FBXW4: variants seen among roughly 807,000 people sequenced by gnomAD.
FBXW4 encodes F-box/WD repeat-containing protein 4.
A neutral mutation model predicts 61.8 loss-of-function variants in FBXW4; 40 were observed. The ratio of observed to expected loss-of-function variants is 0.65; its 90% CI spans 0.50 to 0.84. The LOEUF (loss-of-function observed/expected upper bound fraction) is 0.84. Ranked by LOEUF, FBXW4 falls within the 40% of genes least tolerant of loss-of-function variation. The probability of loss-of-function intolerance (pLI) is 0.00; values close to 1 mark genes in which losing one functional copy is unlikely to be tolerated. For synonymous variants in FBXW4, 311 were observed against 313.8 expected, an observed-to-expected ratio of 0.99 and a Z score of 0.10; for missense variants, 672 against 753.8, an observed-to-expected ratio of 0.89 and a Z score of 1.27.
chr10:101,649,522 C>T (rs2064129126), intron 5 of FBXW4, among the ~76,000 whole-genome samples: 1 of 152,192 alleles, frequency 6.6e-6, no homozygotes, highest in Non-Finnish European at 1.5e-5. Context: ...GTGGGTATTG[C>T]TGGGAGTGCC....
Position 101,673,017 on chromosome 10 carries a change from G to A in FBXW4, c.1038C>T (p.His346=), listed in dbSNP as rs1435779115. The A allele has an allele frequency of 2.5e-6, 4 of 1,613,970 alleles. No homozygotes were observed. In the East Asian group the frequency reaches 6.7e-5, roughly 27 times the overall value. The part of the protein sequence containing the change: ...GDGKIGIHKI[H]STFTVKYSAH... ...CCGAGTACTTGACAGTGAAGGTGCTGTGAATCTTATGAATGCCAATCTTCC... is the reference window on the plus strand; with the variant it reads ...CCGAGTACTTGACAGTGAAGGTGCTATGAATCTTATGAATGCCAATCTTCC... Residue 346 remains histidine, a synonymous_variant, in exon 4 of 9, where the codon CAC becomes CAT. Transcript: ENST00000331272.
chr10:101,615,748 T>G (rs900191238), intron 6 of FBXW4, among the ~76,000 whole-genome samples: 2 of 152,094 alleles, frequency 1.3e-5, no homozygotes, highest in African/African-American at 2.4e-5. Context: ...AGCTAACTGA[T>G]GGTAGGGGCT....
At chr10:101,690,502 T>C (rs2064585924) in intron 1 of FBXW4, among the ~76,000 whole-genome samples, 1 of 152,150 alleles carries the variant, frequency 6.6e-6, no homozygotes, top group African/African-American at 2.4e-5. Context: ...TATCTATTAG[T>C]GTTCACTGTT....
intron 6 of FBXW4, among the ~76,000 whole-genome samples, chr10:101,624,015 C>T (rs145666220): frequency 2.5e-4 from 38 of 151,440 alleles, no homozygotes; most frequent in Non-Finnish European, 4.7e-4. Flanking sequence ...CAGTTCTGTA[C>T]CTCAATTGTG....
In FBXW4 at chr10:101,694,083, A is replaced by C. The variant is rs1482774713; in HGVS notation, c.725+298T>G. On this transcript the variant is annotated intron_variant, in intron 1 of 8. Coordinates refer to ENST00000331272, the MANE Select transcript of FBXW4 (RefSeq NM_022039.4). This position sits in a 1 kb window ranked among gnomAD's most constrained non-coding sequence, Gnocchi z 6.0. ...ACCGGGGCAGCTAAACCTCTGCAAAAACACACAATCGAAAGCTGTAGGGAG... is the reference window on the plus strand; with the variant it reads ...ACCGGGGCAGCTAAACCTCTGCAAACACACACAATCGAAAGCTGTAGGGAG... 6.6e-6 allele frequency among the ~76,000 whole-genome samples: 1 copy of C among 152,096 alleles called. No individual in the cohort carries two copies. Among genetic ancestry groups the C allele is most frequent in the African/African-American group, 2.4e-5 (1 of 41,404 alleles).
chr10:101,638,835 T>C (rs2064026340), intron 5 of FBXW4, among the ~76,000 whole-genome samples: 1 of 152,212 alleles, frequency 6.6e-6, no homozygotes, highest in Admixed American at 6.5e-5. Flanking sequence ...TGGGAACAGC[T>C]GCCTATGAGA....
At chr10:101,661,804 C>T (rs963631197) in intron 5 of FBXW4, among the ~76,000 whole-genome samples, 4 of 152,132 alleles carry the variant, frequency 2.6e-5, no homozygotes, top group Non-Finnish European at 5.9e-5. Context: ...CCACTCTGCC[C>T]CTGACCCTGG....
chr10:101,691,614 A>C (rs2064604527), intron 1 of FBXW4, among the ~76,000 whole-genome samples: 1 of 152,172 alleles, frequency 6.6e-6, no homozygotes, highest in Admixed American at 6.5e-5. Flanking sequence ...CATTCCCAAT[A>C]TCTCTCTTTT....
chr10:101,638,755 T>A (rs1463058964), intron 5 of FBXW4, among the ~76,000 whole-genome samples: 1 of 152,224 alleles, frequency 6.6e-6, no homozygotes, highest in Non-Finnish European at 1.5e-5. Flanking sequence ...ACAAACCACA[T>A]GATATCTTGG....
chr10:101,686,780 GAAC>G (rs1347477506), intron 1 of FBXW4, among the ~76,000 whole-genome samples: 3 of 152,142 alleles, frequency 2.0e-5, no homozygotes, highest in African/African-American at 7.2e-5. Context: ...AGGAGAATAT[GAAC>G]CAGACGTCAC....
In FBXW4 at chr10:101,694,927, G is replaced by C. The variant is rs2064660860; in HGVS notation, c.179C>G (p.Pro60Arg). Reference sequence around the variant, plus strand: ...TGCCTCCTTCGCCGTCTGCGGCCCGGGCTTCCCTTCCGCCCCGCTTCCTCT... The same window carrying C: ...TGCCTCCTTCGCCGTCTGCGGCCCGCGCTTCCCTTCCGCCCCGCTTCCTCT... ...GGRGSGAEGK[P>R]GPQTAKEAAG... Residue 60 changes from proline to arginine, a missense_variant, in exon 1 of 9, where the codon CCC becomes CGC. Pro to Arg is a moderately radical substitution (Grantham distance 103). Coordinates refer to ENST00000331272, the MANE Select transcript of FBXW4 (RefSeq NM_022039.4). This position sits in a 1 kb window ranked among gnomAD's most constrained non-coding sequence, Gnocchi z 6.0. The C allele has an allele frequency of 8.1e-7, 1 of 1,238,886 alleles. No individual in the cohort carries two copies. The highest frequency in any genetic ancestry group is 1.0e-6 in the Non-Finnish European group (1 of 992,038). The allele number at this position is 1,238,886 out of a possible 1,614,324, so 76.7% of individuals were successfully genotyped here.
chr10:101,650,927 G>C (rs2064140262), intron 5 of FBXW4, among the ~76,000 whole-genome samples: 1 of 152,212 alleles, frequency 6.6e-6, no homozygotes, highest in Non-Finnish European at 1.5e-5. Flanking sequence ...TCCCATGTTA[G>C]CTCCAAGTGA....
In FBXW4 at chr10:101,624,855, C is replaced by A. The variant is rs774789668; in HGVS notation, c.1236-45G>T. The A allele has an allele frequency of 1.9e-6, 3 of 1,602,216 alleles. No individual in the cohort carries two copies. In the South Asian group the frequency reaches 3.3e-5, roughly 18 times the overall value. On this transcript the variant is annotated intron_variant, in intron 5 of 8. Transcript: ENST00000331272. Reference sequence around the variant, plus strand: ...CAAAGTCAGATCTGGCTTGTCAGAACCTGTGGTGGAAATGGCTAACAATGG... The same window carrying A: ...CAAAGTCAGATCTGGCTTGTCAGAAACTGTGGTGGAAATGGCTAACAATGG...
In FBXW4 at chr10:101,611,123, C is replaced by T. The variant is rs2063777799; in HGVS notation, c.*168G>A. On this transcript the variant is annotated 3_prime_UTR_variant, in exon 9 of 9. Transcript: ENST00000331272. The surrounding 1 kb of genome is among the most constrained non-coding windows in gnomAD (Gnocchi z 4.9). The stretch of plus-strand genomic sequence containing the variant: ...GAGGGACTGCATCTCTGGTAAGCTC[C>T]AAAGTCCCAGGAGTCAGAAGCCTCT... 3 of 843,722 alleles carry T rather than the reference C, an allele frequency of 3.6e-6. No homozygotes were observed. Among genetic ancestry groups the T allele is most frequent in the Admixed American group, 5.7e-5 (2 of 35,166 alleles). The allele number at this position is 843,722 out of a possible 1,614,324, so 52.3% of individuals were successfully genotyped here. A position where few individuals can be genotyped will look rare whatever the true frequency, so the allele number is the denominator to read the frequency against.
intron 4 of FBXW4, among the ~76,000 whole-genome samples, chr10:101,671,664 A>C (rs1284272434): frequency 6.6e-6 from 1 of 152,232 alleles, no homozygotes; most frequent in African/African-American, 2.4e-5. Flanking sequence ...CCTAGGTCAC[A>C]CATGCCACAA....
In FBXW4 at chr10:101,610,837, C is replaced by T. The variant is rs552780826; in HGVS notation, c.*454G>A. On this transcript the variant is annotated 3_prime_UTR_variant, in exon 9 of 9. Transcript: ENST00000331272. ...TGCCCCAGGAATGAACCCCCAGCCC[C>T]GAGAGGTTGGTCAAGGGTGAGGTCT... is the stretch of plus-strand genomic sequence containing the variant. 11 of 153,990 alleles carry T rather than the reference C, an allele frequency of 7.1e-5. No homozygotes were observed. In the South Asian group the frequency reaches 1.4e-3, roughly 20 times the overall value. 9.5% of individuals were successfully genotyped at this position (153,990 alleles called of 1,614,324 possible).
At chr10:101,623,191 G>A (rs1564904131) in intron 6 of FBXW4, among the ~76,000 whole-genome samples, 1 of 152,156 alleles carries the variant, frequency 6.6e-6, no homozygotes, top group African/African-American at 2.4e-5. Context: ...GGAGGCCTAG[G>A]CAGACAGATC....
At position 101,611,233 on chromosome 10, in the gene FBXW4, A is replaced by C; in HGVS notation, c.*58T>G. ...GGAGCTATCACTGCACCCTCCAGGC[A>C]AGAGAAGTCCCTGAGTAGCTGGTTT... is the stretch of plus-strand genomic sequence containing the variant. On this transcript the variant is annotated 3_prime_UTR_variant, in exon 9 of 9. Coordinates refer to ENST00000331272, the MANE Select transcript of FBXW4 (RefSeq NM_022039.4). The surrounding 1 kb of genome is among the most constrained non-coding windows in gnomAD (Gnocchi z 4.9). 6.3e-7 allele frequency: 1 copy of C among 1,588,742 alleles called. No individual in the cohort carries two copies. The highest frequency in any genetic ancestry group is 8.6e-7 in the Non-Finnish European group (1 of 1,168,362).
chr10:101,650,259 G>C (rs1222987125), intron 5 of FBXW4, among the ~76,000 whole-genome samples: 1 of 152,152 alleles, frequency 6.6e-6, no homozygotes, highest in Admixed American at 6.5e-5. Flanking sequence ...AGTTCCTAGG[G>C]ACATTCCCCT....
Sources: allele counts gnomAD v4.1 joint callset (sites outside exome capture counted in the v4.1 genomes callset), GRCh38; gene constraint gnomAD v4.1.1; non-coding constraint Gnocchi (gnomAD v3.1); transcripts MANE v1.5; gene names NCBI Gene and HGNC (gene_info 2026-07-23, HGNC 2026-07-21).